RFX3: variants seen among roughly 807,000 people sequenced by gnomAD.
RFX3 encodes the protein transcription factor RFX3.
A neutral mutation model predicts 98.6 loss-of-function variants in RFX3; 14 were observed. The observed-to-expected ratio is 0.14, with a 90% CI of 0.09 to 0.22. The LOEUF is 0.22. RFX3 is among the 10% of genes least tolerant of loss of function. The pLI is 1.00. For missense variants in RFX3, 639 were observed against 926.9 expected (o/e 0.69, Z 4.03); for synonymous variants, 383 against 328.4 (o/e 1.17, Z -1.80).
At chr9:3,256,035 C>T (rs1007060989) in intron 14 of RFX3, among the ~76,000 whole-genome samples, 42 of 151,942 alleles carry the variant, frequency 2.8e-4, no homozygotes, top group African/African-American at 9.4e-4. Context: ...GGCATGATCT[C>T]GGCTCACTGC....
At chr9:3,301,728 C>A (rs569594100) in intron 4 of RFX3, 108 bp from the exon 5 acceptor site, 9 of 707,358 alleles carry the variant, frequency 1.3e-5, no homozygotes, top group South Asian at 6.4e-5. Flanking sequence ...CCTCAACGGT[C>A]GTTAATGAAC....
At chr9:3,246,268 T>A (rs1820655798) in intron 15 of RFX3, among the ~76,000 whole-genome samples, 1 of 151,856 alleles carries the variant, frequency 6.6e-6, no homozygotes, top group Admixed American at 6.6e-5. Context: ...TCTGTCATAT[T>A]CATTTAGATC....
chr9:3,346,092 G>C (rs3012672), intron 3 of RFX3, among the ~76,000 whole-genome samples: 49,227 of 152,042 alleles, frequency 0.32, 11,731 homozygotes, highest in African/African-American at 0.68. Flanking sequence ...GCATCTTATT[G>C]CAAAGTAGCC....
chr9:3,313,484 C>G (rs555219142), intron 4 of RFX3, among the ~76,000 whole-genome samples: 1 of 152,304 alleles, frequency 6.6e-6, no homozygotes, highest in African/African-American at 2.4e-5. Flanking sequence ...AACGCAGCTC[C>G]CCGCCAGCAA....
chr9:3,343,211 G>A (rs1000757357), intron 3 of RFX3, among the ~76,000 whole-genome samples: 3 of 152,182 alleles, frequency 2.0e-5, no homozygotes, highest in African/African-American at 7.2e-5. Flanking sequence ...ACATGGGGAC[G>A]CTGGTGACAA....
At chr9:3,242,731 A>G (rs531556648) in intron 15 of RFX3, among the ~76,000 whole-genome samples, 92 of 152,252 alleles carry the variant, frequency 6.0e-4, no homozygotes, top group African/African-American at 2.2e-3. Flanking sequence ...TTAACTGAGT[A>G]TATCAATTTT....
chr9:3,399,934 G>C (rs1361474025), intron 1 of RFX3, among the ~76,000 whole-genome samples: 3 of 149,174 alleles, frequency 2.0e-5, no homozygotes, highest in African/African-American at 7.5e-5. Context: ...GGATGACAGA[G>C]CAAGACTCCG....
chr9:3,388,850 A>G (rs1839991637), intron 2 of RFX3, among the ~76,000 whole-genome samples: 1 of 152,100 alleles, frequency 6.6e-6, no homozygotes, highest in South Asian at 2.1e-4. Context: ...ACTATACCTC[A>G]TGTGTTACAT....
intron 2 of RFX3, among the ~76,000 whole-genome samples, chr9:3,351,951 G>T (rs965444292): frequency 3.8e-4 from 57 of 151,830 alleles, no homozygotes; most frequent in African/African-American, 1.3e-3. Context: ...CTCAATATCT[G>T]AAGAGTTGCT....
intron 1 of RFX3, among the ~76,000 whole-genome samples, chr9:3,515,838 T>C (rs1818100579): frequency 6.6e-6 from 1 of 152,082 alleles, no homozygotes; most frequent in African/African-American, 2.4e-5. Flanking sequence ...TCTAAGTTAA[T>C]CAGTAAAAAA....
chr9:3,424,993 A>G (rs1249330467), intron 1 of RFX3, among the ~76,000 whole-genome samples: 1 of 152,240 alleles, frequency 6.6e-6, no homozygotes, highest in African/African-American at 2.4e-5. Flanking sequence ...ACTTTGGGAG[A>G]GCAAGGCAGG....
At chr9:3,326,020 G>T (rs114482809) in intron 4 of RFX3, among the ~76,000 whole-genome samples, 1 of 152,022 alleles carries the variant, frequency 6.6e-6, no homozygotes, top group Non-Finnish European at 1.5e-5. Context: ...ACATATTCAG[G>T]TCGCAACTTA....
At chr9:3,257,312 G>T in intron 13 of RFX3, 113 bp from the exon 14 acceptor site, 1 of 802,588 alleles carries the variant, frequency 1.2e-6, no homozygotes, top group Non-Finnish European at 2.0e-6. Context: ...GCTTCACACA[G>T]TTAAATGAAT....
intron 14 of RFX3, among the ~76,000 whole-genome samples, chr9:3,250,708 T>C (rs1214073117): frequency 2.0e-5 from 3 of 152,036 alleles, no homozygotes; most frequent in Admixed American, 2.0e-4. Context: ...TCTAGTAGGA[T>C]GCTGATTAAA....
chr9:3,495,604 T>G (rs1851052408), intron 1 of RFX3, among the ~76,000 whole-genome samples: 1 of 152,122 alleles, frequency 6.6e-6, no homozygotes, highest in Admixed American at 6.5e-5. Flanking sequence ...TGGTTTTAGT[T>G]GAAAGACTGT....
chr9:3,324,794 C>A (rs376874488), intron 4 of RFX3, among the ~76,000 whole-genome samples: 2 of 151,912 alleles, frequency 1.3e-5, no homozygotes, highest in Non-Finnish European at 2.9e-5. Flanking sequence ...GAAACACCGT[C>A]TCTACTAAAA....
intron 7 of RFX3, among the ~76,000 whole-genome samples, chr9:3,281,262 T>A (rs1279933844): frequency 2.6e-5 from 4 of 151,772 alleles, no homozygotes; most frequent in Middle Eastern, 3.4e-3. Flanking sequence ...GATTTTCTGA[T>A]TCTCTATACT....
intron 3 of RFX3, among the ~76,000 whole-genome samples, chr9:3,345,367 G>A (rs1324787512): frequency 6.6e-6 from 1 of 152,178 alleles, no homozygotes; most frequent in Non-Finnish European, 1.5e-5. Context: ...TAGAAAATAA[G>A]GCGGAGGTAG....
At chr9:3,315,891 C>A (rs999491962) in intron 4 of RFX3, among the ~76,000 whole-genome samples, 2 of 152,022 alleles carry the variant, frequency 1.3e-5, no homozygotes, top group Non-Finnish European at 2.9e-5. Context: ...TAATAGCCTA[C>A]CAACCAAAAA....
Sources: gnomAD v4.1 joint callset for allele counts (sites outside exome capture counted in the v4.1 genomes callset) on GRCh38, gnomAD v4.1.1 for gene constraint, MANE v1.5 for transcripts, NCBI Gene and HGNC (gene_info 2026-07-23, HGNC 2026-07-21) for gene names.